Variants in CCZ1B observed in about 807,000 individuals in gnomAD.
CCZ1B encodes the protein CCZ1B vacuolar protein trafficking and biogenesis associated.
In CCZ1B, 25 loss-of-function variants were observed where a neutral mutation model predicts 58.8. The ratio of observed to expected loss-of-function variants is 0.43; its 90% CI spans 0.31 to 0.59. The LOEUF (loss-of-function observed/expected upper bound fraction) is 0.59. CCZ1B is among the 20% of genes least tolerant of loss of function. CCZ1B has a pLI of 0.12. For synonymous variants in CCZ1B, 66 were observed against 173.2 expected (o/e 0.38, Z 4.86); for missense variants, 180 against 501.5 (o/e 0.36, Z 6.12).
intron 1 of CCZ1B, among the ~76,000 whole-genome samples, chr7:6,825,664 C>CACACACACACACACA (rs899253039): frequency 8.0e-6 from 1 of 125,634 alleles, no homozygotes; most frequent in Non-Finnish European, 1.7e-5. Context: ...CACACACACA[C>CACACACACACACACA]CCCTCCCGAA....
At chr7:6,815,109 C>G (rs1358198856) in intron 7 of CCZ1B, among the ~76,000 whole-genome samples, 1 of 148,886 alleles carries the variant, frequency 6.7e-6, no homozygotes, top group Non-Finnish European at 1.5e-5. Flanking sequence ...CTTTGTCAAA[C>G]TTTTCCAAAG....
In CCZ1B at chr7:6,824,167, C is replaced by G; in HGVS notation, c.313-1G>C. ...TTTCAATTATAGGATTCCGAACAACCTACAAAGTTTGATAAACTGAAATTA... is the reference window on the plus strand; with the variant it reads ...TTTCAATTATAGGATTCCGAACAACGTACAAAGTTTGATAAACTGAAATTA... On this transcript the variant is annotated splice_acceptor_variant, in intron 3 of 14. Coordinates refer to ENST00000316731, the MANE Select transcript of CCZ1B (RefSeq NM_198097.5). LOFTEE classifies it high-confidence loss of function. The G allele has an allele frequency of 7.0e-7, 1 of 1,429,614 alleles. No homozygotes were observed. The highest frequency in any genetic ancestry group is 1.4e-5 in the South Asian group (1 of 73,980). The allele number at this position is 1,429,614 out of a possible 1,614,324, so 88.6% of individuals were successfully genotyped here. A position where few individuals can be genotyped will look rare whatever the true frequency, so the allele number is the denominator to read the frequency against.
intron 12 of CCZ1B, among the ~76,000 whole-genome samples, chr7:6,803,727 G>T (rs1187439459): frequency 6.7e-6 from 1 of 148,776 alleles, no homozygotes; most frequent in East Asian, 2.0e-4. Context: ...ACTTTGGGAG[G>T]CCGAAGTGCG....
chr7:6,809,580 A>G (rs201387286), intron 10 of CCZ1B, among the ~76,000 whole-genome samples: 3 of 128,614 alleles, frequency 2.3e-5, no homozygotes, highest in African/African-American at 3.3e-5. Flanking sequence ...ACAAACGGAC[A>G]TTCTTCCTAC....
intron 1 of CCZ1B, among the ~76,000 whole-genome samples, chr7:6,825,413 A>ATT (rs1160935567): frequency 0.016 from 1,812 of 113,608 alleles, 21 homozygotes; most frequent in African/African-American, 0.064. Context: ...TCACTTTTCA[A>ATT]TTTTTTTTTT....
chr7:6,817,403 CCA>C (rs1279606858), intron 7 of CCZ1B, among the ~76,000 whole-genome samples: 2 of 150,748 alleles, frequency 1.3e-5, no homozygotes, highest in African/African-American at 5.0e-5. Flanking sequence ...GTGTTCTGTC[CCA>C]GAGATCAGAA....
intron 1 of CCZ1B, among the ~76,000 whole-genome samples, chr7:6,824,960 T>C (rs1199155061): frequency 1.3e-5 from 2 of 148,956 alleles, no homozygotes; most frequent in Non-Finnish European, 3.0e-5. Context: ...GGCAACACAG[T>C]GAGACGTCTC....
intron 5 of CCZ1B, 48 bp from the exon 6 acceptor site, chr7:6,822,412 A>G: frequency 1.3e-6 from 2 of 1,570,658 alleles, no homozygotes; most frequent in Non-Finnish European, 1.7e-6. Context: ...TCCTATGCTC[A>G]CTTTTTCAGT....
chr7:6,824,253 C>T (rs1454876216), intron 3 of CCZ1B, 87 bp from the exon 4 acceptor site: 2 of 1,564,578 alleles, frequency 1.3e-6, no homozygotes, highest in Non-Finnish European at 1.7e-6. Flanking sequence ...GAACATGCTA[C>T]AGCACCAGAA....
intron 7 of CCZ1B, among the ~76,000 whole-genome samples, chr7:6,816,313 C>G (rs1052846628): frequency 3.4e-5 from 5 of 149,192 alleles, no homozygotes; most frequent in African/African-American, 1.3e-4. Flanking sequence ...AACACCGTCT[C>G]TACTAAAAAA....
chr7:6,819,690 C>G (rs1213165855), intron 7 of CCZ1B, 76 bp downstream of exon 7: 10 of 820,872 alleles, frequency 1.2e-5, no homozygotes, highest in African/African-American at 3.7e-5. Context: ...GTTTGACAAC[C>G]TGTCATCAAT....
rs1008599713 is a variant in CCZ1B at position 6,810,538 on chromosome 7, C to T, written c.954+1414G>A. ...TGTGATCATAGCTCATTACATCCTC[C>T]AACTCTTGGGCTCAAGCGGTTCTCC... On this transcript the variant is annotated intron_variant, in intron 10 of 14. Coordinates refer to ENST00000316731, the MANE Select transcript of CCZ1B (RefSeq NM_198097.5). Among the ~76,000 whole-genome samples the T allele has an allele frequency of 4.1e-5, 6 of 147,646 alleles. 1 individual carries two copies. The highest frequency in any genetic ancestry group is 1.5e-4 in the African/African-American group (6 of 38,894).
intron 3 of CCZ1B, 85 bp from the exon 4 acceptor site, chr7:6,824,251 T>C: frequency 6.4e-7 from 1 of 1,563,878 alleles, no homozygotes; most frequent in Non-Finnish European, 8.6e-7. Flanking sequence ...TTGAACATGC[T>C]ACAGCACCAG....
At position 6,822,322 on chromosome 7, in the gene CCZ1B, C is replaced by A. The variant is rs201157813; in HGVS notation, c.481G>T (p.Val161Phe). ...TCTAATCTTTCTTTCAGAAGCTTGA[C>A]GCCTCCGTCTTCCATGGCTTTCAGA... ...TFLKAMEDGG[V>F]KLLKERLEKF... The change falls in exon 6 of 15, where the codon GTC (valine) becomes TTC (phenylalanine). Residue 161 changes from valine to phenylalanine, a missense_variant. By Grantham distance (50) the Val-to-Phe change is conservative. Coordinates refer to ENST00000316731, the MANE Select transcript of CCZ1B (RefSeq NM_198097.5). 9.4e-6 allele frequency: 15 copies of A among 1,590,910 alleles called. 1 individual carries two copies. The highest frequency in any genetic ancestry group is 1.7e-4 in the Middle Eastern group (1 of 5,990).
Position 6,821,152 on chromosome 7 carries a change from G to A in CCZ1B, c.522+1129C>T, listed in dbSNP as rs1177151192. Among the ~76,000 whole-genome samples the A allele has an allele frequency of 5.4e-5, 8 of 149,380 alleles. 1 individual carries two copies. Among genetic ancestry groups the A allele is most frequent in the Non-Finnish European group, 1.0e-4 (7 of 67,518 alleles). On this transcript the variant is annotated intron_variant, in intron 6 of 14. Transcript: ENST00000316731. ...GCCTCCAGAATAGCTGGGATTACAG[G>A]CGTGCGCCACCACGCCCAGCTAGTT...
At chr7:6,810,290 G>A (rs1440608933) in intron 10 of CCZ1B, among the ~76,000 whole-genome samples, 3 of 147,174 alleles carry the variant, frequency 2.0e-5, no homozygotes, top group African/African-American at 7.8e-5. Flanking sequence ...TGGGATTATA[G>A]GCGTGAGCCA....
At chr7:6,815,982 A>T (rs1199352879) in intron 7 of CCZ1B, among the ~76,000 whole-genome samples, 1 of 145,374 alleles carries the variant, frequency 6.9e-6, no homozygotes, top group Non-Finnish European at 1.5e-5. Context: ...ATGGATTTTA[A>T]TTCTCCGGAT....
chr7:6,811,122 CCT>C (rs1304159061), intron 10 of CCZ1B, among the ~76,000 whole-genome samples: 1 of 151,292 alleles, frequency 6.6e-6, no homozygotes, highest in Non-Finnish European at 1.5e-5. Flanking sequence ...GGCTGACTGG[CCT>C]CTCTGCCACA....
chr7:6,824,440 T>C lies in CCZ1B; in HGVS notation c.312+15A>G, dbSNP rs375934344. 8.1e-6 allele frequency: 13 copies of C among 1,604,332 alleles called. 2 individuals carry two copies. The African/African-American group carries it at 1.7e-4, about 21-fold the overall frequency. On this transcript the variant is annotated intron_variant, in intron 3 of 14. Coordinates refer to ENST00000316731, the MANE Select transcript of CCZ1B (RefSeq NM_198097.5). ...ACCATACAATTTCAGAAAGATACACTGTGTGTGTAAATACCATGACCATCC... is the reference window on the plus strand; with the variant it reads ...ACCATACAATTTCAGAAAGATACACCGTGTGTGTAAATACCATGACCATCC...
Sources: gnomAD v4.1 joint callset for allele counts (sites outside exome capture counted in the v4.1 genomes callset) on GRCh38, gnomAD v4.1.1 for gene constraint, MANE v1.5 for transcripts, NCBI Gene and HGNC (gene_info 2026-07-23, HGNC 2026-07-21) for gene names.